RARB: variants seen among roughly 807,000 people sequenced by gnomAD.
RARB encodes retinoic acid receptor beta, also known as HBV-activated protein.
In RARB, 17 loss-of-function variants were observed where a neutral mutation model predicts 51.9. The ratio of observed to expected loss-of-function variants is 0.33; its 90% CI spans 0.22 to 0.49. The LOEUF (loss-of-function observed/expected upper bound fraction) is 0.49. Ranked by LOEUF, RARB falls within the 20% of genes least tolerant of loss-of-function variation. The probability of loss-of-function intolerance (pLI) is 0.99; values close to 1 mark genes in which losing one functional copy is unlikely to be tolerated. For missense variants in RARB, 369 were observed against 550.8 expected, an observed-to-expected ratio of 0.67 and a Z score of 3.30; for synonymous variants, 215 against 195.4, an observed-to-expected ratio of 1.10 and a Z score of -0.84.
At chr3:24,962,498 A>G (rs958026903) in intron 2 of RARB, among the ~76,000 whole-genome samples, 1 of 152,188 alleles carries the variant, frequency 6.6e-6, no homozygotes, top group East Asian at 1.9e-4. Context: ...GAGGTCCCCA[A>G]TCCCCGGGCC....
intron 2 of RARB, among the ~76,000 whole-genome samples, chr3:24,959,582 T>A (rs1696094801): frequency 6.6e-6 from 1 of 152,216 alleles, no homozygotes; most frequent in Non-Finnish European, 1.5e-5. Context: ...GATGTAAAGT[T>A]CTCACATGGG....
chr3:24,867,910 A>G (rs1406831229), intron 2 of RARB, among the ~76,000 whole-genome samples: 1 of 152,142 alleles, frequency 6.6e-6, no homozygotes, highest in East Asian at 1.9e-4. Context: ...GGCAGATTTC[A>G]AGTCGACTGT....
chr3:24,907,978 C>T (rs1694904403), intron 2 of RARB, among the ~76,000 whole-genome samples: 1 of 152,096 alleles, frequency 6.6e-6, no homozygotes, highest in Non-Finnish European at 1.5e-5. Context: ...CTAAATCTTA[C>T]TGGTTAATGA....
intron 2 of RARB, among the ~76,000 whole-genome samples, chr3:25,004,891 A>AG (rs1472523573): frequency 3.3e-5 from 5 of 152,184 alleles, no homozygotes; most frequent in Admixed American, 6.6e-5. Flanking sequence ...GTGTCAGAAC[A>AG]GTTCTACTTG....
intron 5 of RARB, among the ~76,000 whole-genome samples, chr3:25,174,880 T>A (rs1035839461): frequency 6.6e-6 from 1 of 152,196 alleles, no homozygotes; most frequent in Non-Finnish European, 1.5e-5. Flanking sequence ...AAATTGGCCA[T>A]ATGATAAATA....
intron 1 of RARB, among the ~76,000 whole-genome samples, chr3:24,847,004 G>GTATTT (rs1702493403): frequency 6.6e-6 from 1 of 152,122 alleles, no homozygotes; most frequent in Non-Finnish European, 1.5e-5. Context: ...ACTTCTGAAA[G>GTATTT]GTTACTGTGC....
intron 2 of RARB, among the ~76,000 whole-genome samples, chr3:24,861,700 G>A (rs932143739): frequency 1.6e-4 from 24 of 151,958 alleles, no homozygotes; most frequent in African/African-American, 5.3e-4. Flanking sequence ...TGGCTTAATA[G>A]GTAGTTGGGT....
intron 5 of RARB, among the ~76,000 whole-genome samples, chr3:25,338,096 A>AACACACACACACACACACAC (rs10523484): frequency 2.8e-5 from 4 of 143,944 alleles, no homozygotes; most frequent in Admixed American, 1.4e-4. Flanking sequence ...CCAAACCCCC[A>AACACACACACACACACACAC]ACACACACAC....
chr3:25,343,784 A>G (rs928753079), intron 5 of RARB, among the ~76,000 whole-genome samples: 15 of 152,200 alleles, frequency 9.9e-5, no homozygotes, highest in African/African-American at 3.4e-4. Context: ...TGATTATCTA[A>G]TTATTAATAC....
chr3:25,595,085 C>T (rs1701766249), intron 7 of RARB, among the ~76,000 whole-genome samples: 2 of 152,168 alleles, frequency 1.3e-5, no homozygotes, highest in Admixed American at 1.3e-4. Context: ...AGCCATTGCT[C>T]TTTTGTATAT....
At chr3:24,925,724 C>T (rs1048927192) in intron 2 of RARB, among the ~76,000 whole-genome samples, 1 of 149,974 alleles carries the variant, frequency 6.7e-6, no homozygotes, top group Non-Finnish European at 1.5e-5. Flanking sequence ...TGAAATGCGG[C>T]AAGCTATTAA....
chr3:25,387,874 G>C (rs1292596162), intron 5 of RARB, among the ~76,000 whole-genome samples: 2 of 139,640 alleles, frequency 1.4e-5, no homozygotes, highest in African/African-American at 5.2e-5. Context: ...TTAGGGAATA[G>C]AAAAAAAAAA....
chr3:25,088,637 C>T (rs1304896470), intron 3 of RARB, among the ~76,000 whole-genome samples: 3 of 152,196 alleles, frequency 2.0e-5, no homozygotes, highest in South Asian at 4.1e-4. Context: ...AGTCAGACCA[C>T]CTCAAGATGG....
chr3:24,989,703 C>G lies in RARB; in HGVS notation c.-379-70422C>G, dbSNP rs1696868865. 2.0e-5 allele frequency among the ~76,000 whole-genome samples: 2 copies of G among 101,188 alleles called. 1 individual carries two copies. The highest frequency in any genetic ancestry group is 7.8e-4 in the South Asian group (2 of 2,564). 66.4% of individuals were successfully genotyped at this position (101,188 alleles called of 152,430 possible). A position where few individuals can be genotyped will look rare whatever the true frequency, so the allele number is the denominator to read the frequency against. ...ATACTAAGCCTTTATGAATCATGCA[C>G]AAAGCACAGATAGGTGCCCAGTCTA... On this transcript the variant is annotated intron_variant, in intron 2 of 11. Coordinates refer to the RARB transcript ENST00000383772.
intron 4 of RARB, among the ~76,000 whole-genome samples, chr3:25,150,070 T>C (rs1372955958): frequency 6.6e-6 from 1 of 151,730 alleles, no homozygotes; most frequent in Non-Finnish European, 1.5e-5. Flanking sequence ...GGCATGGTGG[T>C]GGGCACCTGT....
At chr3:25,004,347 A>G (rs1559430037) in intron 2 of RARB, among the ~76,000 whole-genome samples, 1 of 152,156 alleles carries the variant, frequency 6.6e-6, no homozygotes, top group Non-Finnish European at 1.5e-5. Flanking sequence ...ATAACAGGAT[A>G]GCTGAGACTG....
chr3:25,479,409 A>G (rs543297611), intron 2 of RARB, among the ~76,000 whole-genome samples: 94 of 152,320 alleles, frequency 6.2e-4, no homozygotes, highest in African/African-American at 2.1e-3. Context: ...GTCTCTGACC[A>G]TGAATTTTAT....
chr3:25,224,103 G>A (rs1270865893), intron 5 of RARB, among the ~76,000 whole-genome samples: 2 of 152,184 alleles, frequency 1.3e-5, no homozygotes, highest in African/African-American at 2.4e-5. Flanking sequence ...TTTGACAGAA[G>A]AGGAAACTGA....
At chr3:25,376,704 T>C (rs536830451) in intron 5 of RARB, among the ~76,000 whole-genome samples, 1 of 152,356 alleles carries the variant, frequency 6.6e-6, no homozygotes, top group South Asian at 2.1e-4. Flanking sequence ...CAGGTCTACC[T>C]GTTTCTAATG....
Sources: gnomAD v4.1 joint callset for allele counts (sites outside exome capture counted in the v4.1 genomes callset) on GRCh38, gnomAD v4.1.1 for gene constraint, MANE v1.5 for transcripts, NCBI Gene and HGNC (gene_info 2026-07-23, HGNC 2026-07-21) for gene names.